INPP4B: variants seen among roughly 807,000 people sequenced by gnomAD.
INPP4B encodes the protein inositol polyphosphate-4-phosphatase type II B.
A neutral mutation model predicts 122.5 loss-of-function variants in INPP4B; 55 were observed. The ratio of observed to expected loss-of-function variants is 0.45; its 90% CI spans 0.36 to 0.56. The LOEUF (loss-of-function observed/expected upper bound fraction) is 0.56, where lower values mean the gene tolerates loss of function less well. Among genes scored for constraint, INPP4B ranks in the 20% least tolerant of loss-of-function variants. INPP4B has a pLI of 0.00. For missense variants in INPP4B, 1,000 were observed against 1,097.7 expected (o/e 0.91, Z 1.26); for synonymous variants, 403 against 388.7 (o/e 1.04, Z -0.43).
chr4:142,565,132 C>T (rs1371441714), intron 2 of INPP4B, among the ~76,000 whole-genome samples: 1 of 152,010 alleles, frequency 6.6e-6, no homozygotes. Flanking sequence ...TTCTGGATGC[C>T]CTTGCACCAA....
chr4:142,789,056 G>T (rs938779168), intron 1 of INPP4B, among the ~76,000 whole-genome samples: 2 of 152,034 alleles, frequency 1.3e-5, no homozygotes, highest in African/African-American at 4.8e-5. Flanking sequence ...AAAACTCTCA[G>T]CAAAATCAGG....
At chr4:142,132,557 G>A (rs1406901971) in intron 18 of INPP4B, among the ~76,000 whole-genome samples, 2 of 151,822 alleles carry the variant, frequency 1.3e-5, no homozygotes, top group Admixed American at 1.3e-4. Context: ...CTTTGCACTC[G>A]CCCTCCTACC....
chr4:142,040,562 A>G (rs1746784774), intron 25 of INPP4B, among the ~76,000 whole-genome samples: 1 of 152,192 alleles, frequency 6.6e-6, no homozygotes, highest in African/African-American at 2.4e-5. Context: ...AAGAAATGAA[A>G]CAACAAAAAT....
intron 25 of INPP4B, among the ~76,000 whole-genome samples, chr4:142,079,330 T>C (rs1578828948): frequency 6.6e-6 from 1 of 151,922 alleles, no homozygotes; most frequent in African/African-American, 2.4e-5. Context: ...CAATCAAACA[T>C]ATGTATTTTT....
At chr4:142,481,755 C>T (rs1440486558) in intron 2 of INPP4B, among the ~76,000 whole-genome samples, 1 of 152,154 alleles carries the variant, frequency 6.6e-6, no homozygotes, top group Non-Finnish European at 1.5e-5. Flanking sequence ...TAGAGTAGTG[C>T]TAGCCAATAG....
At chr4:142,433,654 T>C (rs1431014369) in intron 3 of INPP4B, among the ~76,000 whole-genome samples, 1 of 152,028 alleles carries the variant, frequency 6.6e-6, no homozygotes, top group Admixed American at 6.6e-5. Flanking sequence ...CATCGAAAAA[T>C]TGGAGACATT....
intron 1 of INPP4B, among the ~76,000 whole-genome samples, chr4:142,783,023 T>C (rs1442130717): frequency 1.3e-5 from 2 of 151,828 alleles, no homozygotes; most frequent in Non-Finnish European, 1.5e-5. Context: ...TCAAGATGGA[T>C]TAAAGACTTA....
At chr4:142,579,878 G>GATA (rs1491138438) in intron 2 of INPP4B, among the ~76,000 whole-genome samples, 13 of 113,786 alleles carry the variant, frequency 1.1e-4, no homozygotes, top group South Asian at 8.5e-4. Flanking sequence ...TAGATAGGTA[G>GATA]GTAGATAGAT....
chr4:142,831,992 A>C (rs1007206713), intron 1 of INPP4B, among the ~76,000 whole-genome samples: 1 of 152,216 alleles, frequency 6.6e-6, no homozygotes, highest in Non-Finnish European at 1.5e-5. Context: ...CTTCCTAAAA[A>C]TAAAATATAT....
At chr4:142,074,590 A>G (rs936438442) in intron 25 of INPP4B, among the ~76,000 whole-genome samples, 73 of 152,088 alleles carry the variant, frequency 4.8e-4, no homozygotes, top group Non-Finnish European at 1.0e-4. Flanking sequence ...CTATTACACT[A>G]TTGTTGGTAA....
chr4:142,224,745 C>G (rs919856754), intron 12 of INPP4B, among the ~76,000 whole-genome samples: 1 of 151,264 alleles, frequency 6.6e-6, no homozygotes, highest in Non-Finnish European at 1.5e-5. Context: ...ATATAGAATA[C>G]CGAATATCTG....
intron 1 of INPP4B, among the ~76,000 whole-genome samples, chr4:142,770,550 TTC>T (rs1398868565): frequency 6.6e-6 from 1 of 152,108 alleles, no homozygotes; most frequent in Non-Finnish European, 1.5e-5. Flanking sequence ...TCCTACCACA[TTC>T]TTTCATTAGG....
At chr4:142,213,719 T>A (rs543146535) in intron 12 of INPP4B, among the ~76,000 whole-genome samples, 113 of 152,310 alleles carry the variant, frequency 7.4e-4, no homozygotes, top group African/African-American at 2.6e-3. Context: ...ATGCTTAACA[T>A]ACATATGCAC....
chr4:142,604,162 T>C (rs572143547), intron 2 of INPP4B, among the ~76,000 whole-genome samples: 1 of 152,238 alleles, frequency 6.6e-6, no homozygotes, highest in African/African-American at 2.4e-5. Context: ...AAAAGGCATT[T>C]GACAAAATTC....
At chr4:142,584,229 T>C (rs1735690124) in intron 2 of INPP4B, among the ~76,000 whole-genome samples, 1 of 151,952 alleles carries the variant, frequency 6.6e-6, no homozygotes, top group Non-Finnish European at 1.5e-5. Context: ...GTAAAGAGAG[T>C]TCCCATATAT....
intron 25 of INPP4B, among the ~76,000 whole-genome samples, chr4:142,069,014 A>T (rs1765351860): frequency 6.6e-6 from 1 of 152,212 alleles, no homozygotes; most frequent in Non-Finnish European, 1.5e-5. Flanking sequence ...TCCACCCCAA[A>T]TCTACAGAAT....
intron 2 of INPP4B, among the ~76,000 whole-genome samples, chr4:142,505,249 A>G (rs1404833029): frequency 6.6e-6 from 1 of 151,930 alleles, no homozygotes; most frequent in Non-Finnish European, 1.5e-5. Context: ...TTAAAAAAAA[A>G]AAAAAAGAAA....
At chr4:142,571,179 C>T (rs566443433) in intron 2 of INPP4B, among the ~76,000 whole-genome samples, 16 of 151,636 alleles carry the variant, frequency 1.1e-4, no homozygotes, top group African/African-American at 3.9e-4. Flanking sequence ...GAAAAGCTTC[C>T]AATCCACCCA....
chr4:142,203,759 G>A (rs183077025), intron 14 of INPP4B, among the ~76,000 whole-genome samples: 31 of 152,018 alleles, frequency 2.0e-4, no homozygotes, highest in African/African-American at 6.8e-4. Flanking sequence ...GACTCTGCCA[G>A]CTATTGTTTG....
Sources: allele counts gnomAD v4.1 joint callset (sites outside exome capture counted in the v4.1 genomes callset), GRCh38; gene constraint gnomAD v4.1.1; transcripts MANE v1.5; gene names NCBI Gene and HGNC (gene_info 2026-07-23, HGNC 2026-07-21).